MALT1: variants seen among roughly 807,000 people sequenced by gnomAD.
MALT1 encodes the protein MALT1 paracaspase, also known as mucosa-associated lymphoid tissue lymphoma translocation protein 1.
Under a neutral mutation model 85.5 loss-of-function variants are expected in MALT1, and 36 were observed. The ratio of observed to expected loss-of-function variants is 0.42; its 90% CI spans 0.32 to 0.56. The LOEUF (loss-of-function observed/expected upper bound fraction) is 0.56. Ranked by LOEUF, MALT1 falls within the 20% of genes least tolerant of loss-of-function variation. The pLI is 0.10. For synonymous variants in MALT1, 359 were observed against 361.3 expected (o/e 0.99, Z 0.07); for missense variants, 716 against 981.6 (o/e 0.73, Z 3.62).
At chr18:58,712,241 A>G (rs899953417) in intron 7 of MALT1, among the ~76,000 whole-genome samples, 6 of 152,174 alleles carry the variant, frequency 3.9e-5, no homozygotes, top group African/African-American at 1.2e-4. Context: ...TTTTTCAATG[A>G]AAGTCCACAA....
chr18:58,730,952 A>G (rs916261130), intron 10 of MALT1, among the ~76,000 whole-genome samples: 1 of 151,950 alleles, frequency 6.6e-6, no homozygotes. Context: ...AAATCAAGTC[A>G]TTAGTCTTTT....
At chr18:58,682,793 G>T (rs192079862) in intron 2 of MALT1, among the ~76,000 whole-genome samples, 96 of 152,310 alleles carry the variant, frequency 6.3e-4, no homozygotes, top group East Asian at 1.7e-3. Context: ...AAGGGCCCTG[G>T]ATTATAAATA....
Position 58,747,393 on chromosome 18 carries a change from T to C in MALT1, c.2038-12T>C. ...TGATGCCAATAATAAACCAGATTTT[T>C]TTCCTTTTCAGGAACATCTAGTCTT... On this transcript the variant is annotated splice_polypyrimidine_tract_variant and intron_variant, in intron 16 of 16. Coordinates refer to ENST00000649217, the MANE Select transcript of MALT1 (RefSeq NM_006785.4). 2 of 1,575,112 alleles carry C rather than the reference T, an allele frequency of 1.3e-6. No individual in the cohort carries two copies. The highest frequency in any genetic ancestry group is 1.7e-6 in the Non-Finnish European group (2 of 1,152,508).
Position 58,745,799 on chromosome 18 carries a change from C to A in MALT1, c.2037+8C>A. On this transcript the variant is annotated splice_region_variant and intron_variant, in intron 16 of 16. Transcript: ENST00000649217. ...TCACTGCAAAAATTAAAGGTTACTACCTTTTCTGTTTATAGCTACTAATGG... is the reference window on the plus strand; with the variant it reads ...TCACTGCAAAAATTAAAGGTTACTAACTTTTCTGTTTATAGCTACTAATGG... The A allele has an allele frequency of 1.2e-6, 2 of 1,607,760 alleles. No homozygotes were observed. Among genetic ancestry groups the A allele is most frequent in the South Asian group, 1.1e-5 (1 of 89,328 alleles).
chr18:58,691,770 G>C lies in MALT1; in HGVS notation c.377-4596G>C, dbSNP rs1043243379. ...GTAGTCCCAGCTACTCTACTCAGGA[G>C]GCTGAGGCAGGAGAATGGCATGAAC... On this transcript the variant is annotated intron_variant, in intron 2 of 16. Transcript: ENST00000649217. 4.6e-5 allele frequency among the ~76,000 whole-genome samples: 7 copies of C among 152,210 alleles called. No homozygotes were observed. In the East Asian group the frequency reaches 1.4e-3, roughly 29 times the overall value.
intron 4 of MALT1, 86 bp from the exon 5 acceptor site, chr18:58,709,291 AG>A: frequency 1.3e-6 from 1 of 796,736 alleles, no homozygotes; most frequent in African/African-American, 1.8e-5. Context: ...TAACAAATGA[AG>A]GGGGAACTTG....
intron 4 of MALT1, among the ~76,000 whole-genome samples, chr18:58,707,775 T>A (rs969262129): frequency 2.0e-5 from 3 of 152,186 alleles, no homozygotes; most frequent in African/African-American, 7.2e-5. Flanking sequence ...GCTACTAGAA[T>A]AGGGGTATGA....
Position 58,749,577 on chromosome 18 carries a change from C to T in MALT1, c.*1735C>T, listed in dbSNP as rs1293066987. 4.6e-6 allele frequency: 1 copy of T among 218,286 alleles called. No individual in the cohort carries two copies. Among genetic ancestry groups the T allele is most frequent in the Admixed American group, 5.8e-5 (1 of 17,262 alleles). 13.5% of individuals were successfully genotyped at this position (218,286 alleles called of 1,614,324 possible). On this transcript the variant is annotated 3_prime_UTR_variant, in exon 17 of 17. Coordinates refer to ENST00000649217, the MANE Select transcript of MALT1 (RefSeq NM_006785.4). ...GACTCAAATTTTTCACCCATTTACA[C>T]ATATCCACAAATGACTGCAAAAGTG...
intron 10 of MALT1, among the ~76,000 whole-genome samples, chr18:58,726,732 G>A (rs1345752689): frequency 6.6e-6 from 1 of 152,218 alleles, no homozygotes; most frequent in Non-Finnish European, 1.5e-5. Flanking sequence ...TAGATGGCCA[G>A]GATAAAAAGT....
chr18:58,735,411 ATTGT>A, intron 13 of MALT1, 82 bp downstream of exon 13: 1 of 1,427,944 alleles, frequency 7.0e-7, no homozygotes, highest in South Asian at 1.4e-5. Context: ...CTCTCTGGTG[ATTGT>A]TTTATTCTTA....
At chr18:58,722,936 G>T in intron 9 of MALT1, 112 bp from the exon 10 acceptor site, 1 of 674,720 alleles carries the variant, frequency 1.5e-6, no homozygotes, top group Non-Finnish European at 2.5e-6. Context: ...AATCTTATTT[G>T]AAATGAAATA....
intron 9 of MALT1, among the ~76,000 whole-genome samples, chr18:58,720,925 C>T (rs886100469): frequency 1.3e-5 from 2 of 152,178 alleles, no homozygotes; most frequent in Admixed American, 1.3e-4. Context: ...CACATTTCCC[C>T]TCACCTTAGA....
At chr18:58,728,988 A>G (rs2055106055) in intron 10 of MALT1, among the ~76,000 whole-genome samples, 1 of 152,144 alleles carries the variant, frequency 6.6e-6, no homozygotes, top group Non-Finnish European at 1.5e-5. Flanking sequence ...AGTTGTTGAA[A>G]TGGTACCATT....
chr18:58,684,191 C>T (rs1416564480), intron 2 of MALT1, among the ~76,000 whole-genome samples: 3 of 152,210 alleles, frequency 2.0e-5, no homozygotes, highest in African/African-American at 7.2e-5. Flanking sequence ...GCCCTGGCCT[C>T]CCAAAGTGCT....
Position 58,700,444 on chromosome 18 carries a change from C to G in MALT1, c.502C>G (p.Pro168Ala), listed in dbSNP as rs560703292. The change falls in exon 4 of 17, where the codon CCA becomes GCA. Residue 168 changes from proline (P) to alanine (A), a missense_variant. By Grantham distance (27) the Pro-to-Ala change is conservative. Transcript: ENST00000649217. ...TCTCTTATTGATTCTTTCACAGATT[C>G]CAAATGGAAATACATCAGAGCTTAT... is the stretch of plus-strand genomic sequence containing the variant. The part of the protein sequence containing the change: ...YQWFKMNKEI[P>A]NGNTSELIFN... 1 of 1,592,754 alleles carries G rather than the reference C, an allele frequency of 6.3e-7. No homozygotes were observed.
chr18:58,704,296 A>G (rs1231273489), intron 4 of MALT1, among the ~76,000 whole-genome samples: 1 of 152,216 alleles, frequency 6.6e-6, no homozygotes, highest in Non-Finnish European at 1.5e-5. Context: ...CCAACAGCGT[A>G]TAAGATTTCA....
chr18:58,737,077 A>G (rs551682133), intron 13 of MALT1, among the ~76,000 whole-genome samples: 10 of 152,252 alleles, frequency 6.6e-5, no homozygotes, highest in South Asian at 2.1e-4. Flanking sequence ...ATGGTGGCTC[A>G]CACCTGTAAT....
chr18:58,748,825 C>T lies in MALT1; in HGVS notation c.*983C>T, dbSNP rs1458222213. 2 of 202,998 alleles carry T rather than the reference C, an allele frequency of 9.9e-6. No individual in the cohort carries two copies. Among genetic ancestry groups the T allele is most frequent in the South Asian group, 3.8e-4 (2 of 5,276 alleles). The allele number at this position is 202,998 out of a possible 1,614,324, so 12.6% of individuals were successfully genotyped here. On this transcript the variant is annotated 3_prime_UTR_variant, in exon 17 of 17. Transcript: ENST00000649217. ...CAAAGAAAATCCCAGGCCTAGATGGCTGCATTGTTGAATTCTGCCAAACAT... is the reference window on the plus strand; with the variant it reads ...CAAAGAAAATCCCAGGCCTAGATGGTTGCATTGTTGAATTCTGCCAAACAT...
rs1210515417 is a variant in MALT1 at position 58,752,183 on chromosome 18, G to C, written c.*4341G>C. Reference sequence around the variant, plus strand: ...TTTTTGTTTGTTTTTAATTTTATTAGAAGTGGGATCTCATTTTGTTGCCCA... The same window carrying C: ...TTTTTGTTTGTTTTTAATTTTATTACAAGTGGGATCTCATTTTGTTGCCCA... On this transcript the variant is annotated 3_prime_UTR_variant, in exon 17 of 17. Coordinates refer to ENST00000649217, the MANE Select transcript of MALT1 (RefSeq NM_006785.4). 2 of 152,162 alleles carry C rather than the reference G, an allele frequency of 1.3e-5. No homozygotes were observed. Among genetic ancestry groups the C allele is most frequent in the Admixed American group, 6.5e-5 (1 of 15,276 alleles). The allele number at this position is 152,162 out of a possible 1,614,324, so 9.4% of individuals were successfully genotyped here.
Sources: allele counts gnomAD v4.1 joint callset (sites outside exome capture counted in the v4.1 genomes callset), GRCh38; gene constraint gnomAD v4.1.1; transcripts MANE v1.5; gene names NCBI Gene and HGNC (gene_info 2026-07-23, HGNC 2026-07-21).